The following NLRP14 variants were observed in gnomAD, a reference collection of about 807,000 sequenced individuals.
NLRP14 encodes the protein NLR family pyrin domain containing 14.
Under a neutral mutation model 94.7 loss-of-function variants are expected in NLRP14, and 105 were observed. The observed-to-expected ratio is 1.11, with a 90% CI of 0.95 to 1.30. The LOEUF (loss-of-function observed/expected upper bound fraction) is 1.30. NLRP14 is among the 50% of genes most tolerant of loss of function. The pLI, the probability that NLRP14 is intolerant of heterozygous loss-of-function variation, is 0.00. For missense variants in NLRP14, 1,362 were observed against 1,254.1 expected, an observed-to-expected ratio of 1.09 and a Z score of -1.30; for synonymous variants, 508 against 459.9, an observed-to-expected ratio of 1.10 and a Z score of -1.34.
At position 7,071,354 on chromosome 11, in the gene NLRP14, A is replaced by G; in HGVS notation, c.*46A>G. 6.6e-7 allele frequency: 1 copy of G among 1,503,816 alleles called. No individual in the cohort carries two copies. The highest frequency in any genetic ancestry group is 9.1e-7 in the Non-Finnish European group (1 of 1,093,410). 93.2% of individuals were successfully genotyped at this position (1,503,816 alleles called of 1,614,324 possible). A position where few individuals can be genotyped will look rare whatever the true frequency, so the allele number is the denominator to read the frequency against. Reference sequence around the variant, plus strand: ...TTTAAAAATATAAATATAAATACATACATACATAGATATATACCCAGACTT... The same window carrying G: ...TTTAAAAATATAAATATAAATACATGCATACATAGATATATACCCAGACTT... On this transcript the variant is annotated 3_prime_UTR_variant, in exon 12 of 12. Coordinates refer to ENST00000299481, the MANE Select transcript of NLRP14 (RefSeq NM_176822.4).
intron 3 of NLRP14, among the ~76,000 whole-genome samples, chr11:7,041,451 T>G (rs1852247859): frequency 6.6e-6 from 1 of 152,182 alleles, no homozygotes; most frequent in African/African-American, 2.4e-5. Context: ...AGGATCATAT[T>G]CTACATAATT....
Position 7,043,673 on chromosome 11 carries a change from C to T in NLRP14, c.1647C>T (p.Asn549=). The T allele has an allele frequency of 6.2e-7, 1 of 1,613,936 alleles. No homozygotes were observed. Among genetic ancestry groups the T allele is most frequent in the Non-Finnish European group, 8.5e-7 (1 of 1,179,876 alleles). The change falls in exon 4 of 12, where the codon AAC becomes AAT. Residue 549 remains asparagine (N), a synonymous_variant. Transcript: ENST00000299481. ...TAAAACAACTGGAGAGGACTTTTAA[C>T]TGTAAAATGTCACTGAAGATAAAAT... ...DRVKQLERTF[N]CKMSLKIKSK...
rs758235125 is a variant in NLRP14, at chr11:7,046,846, GA to G, written c.2123+15del. On this transcript the variant is annotated intron_variant, in intron 5 of 11. Coordinates refer to ENST00000299481, the MANE Select transcript of NLRP14 (RefSeq NM_176822.4). ...ACAAAAGCTACTGTAAGTCTGGTAT[GA>G]GAAAATTTAATGGAGTTATTCTAAT... The G allele has an allele frequency of 2.4e-5, 39 of 1,600,278 alleles. No individual in the cohort carries two copies. The highest frequency in any genetic ancestry group is 2.7e-5 in the Non-Finnish European group (32 of 1,167,748).
intron 4 of NLRP14, among the ~76,000 whole-genome samples, chr11:7,046,048 G>T (rs2119632632): frequency 6.6e-6 from 1 of 152,150 alleles, no homozygotes; most frequent in South Asian, 2.1e-4. Flanking sequence ...ATTTGTTCAT[G>T]AGTTTATTGA....
At chr11:7,045,143 T>G (rs180734176) in intron 4 of NLRP14, among the ~76,000 whole-genome samples, 1 of 152,316 alleles carries the variant, frequency 6.6e-6, no homozygotes, top group African/African-American at 2.4e-5. Flanking sequence ...GAGCATACAT[T>G]TCATTTATTT....
intron 10 of NLRP14, among the ~76,000 whole-genome samples, chr11:7,068,023 T>A (rs1438518287): frequency 6.6e-6 from 1 of 152,114 alleles, no homozygotes; most frequent in East Asian, 1.9e-4. Context: ...TAAGTATATA[T>A]TGTTGATTTT....
intron 7 of NLRP14, 68 bp from the exon 8 acceptor site, chr11:7,058,212 C>A: frequency 2.2e-6 from 3 of 1,352,696 alleles, no homozygotes; most frequent in South Asian, 1.2e-5. Flanking sequence ...ACTGATTTCC[C>A]TGTGAAGGAG....
chr11:7,065,878 G>C lies in NLRP14; in HGVS notation c.2975+3375G>C, dbSNP rs1310535267. 4.6e-5 allele frequency among the ~76,000 whole-genome samples: 7 copies of C among 151,806 alleles called. No individual in the cohort carries two copies. The East Asian group carries it at 1.4e-3, about 29-fold the overall frequency. ...TCTGCTAGCCCCCATCCCCCAACAGGCCCTGGTATGTGATGTTCCCCTCTG... is the reference window on the plus strand; with the variant it reads ...TCTGCTAGCCCCCATCCCCCAACAGCCCCTGGTATGTGATGTTCCCCTCTG... On this transcript the variant is annotated intron_variant, in intron 10 of 11. Transcript: ENST00000299481.
intron 10 of NLRP14, among the ~76,000 whole-genome samples, chr11:7,069,004 A>G (rs1002902988): frequency 1.3e-5 from 2 of 152,164 alleles, no homozygotes; most frequent in Non-Finnish European, 2.9e-5. Context: ...CTGTTTATCT[A>G]AATTTTAGTG....
intron 10 of NLRP14, among the ~76,000 whole-genome samples, chr11:7,068,309 A>G (rs1370662261): frequency 2.0e-5 from 3 of 152,144 alleles, no homozygotes; most frequent in Non-Finnish European, 4.4e-5. Context: ...ATGCTTAGAC[A>G]TACATATTCC....
intron 1 of NLRP14, among the ~76,000 whole-genome samples, chr11:7,038,276 T>G (rs1852189687): frequency 6.6e-6 from 1 of 152,142 alleles, no homozygotes; most frequent in South Asian, 2.1e-4. Flanking sequence ...AAGAGTAAGT[T>G]GAGGTTCAAA....
intron 4 of NLRP14, among the ~76,000 whole-genome samples, chr11:7,045,873 ATAC>A (rs945842952): frequency 1.3e-5 from 2 of 152,074 alleles, no homozygotes; most frequent in Admixed American, 6.6e-5. Flanking sequence ...TAAAAAATAG[ATAC>A]TATTATCTTC....
chr11:7,057,338 C>T (rs1351548311), intron 6 of NLRP14, among the ~76,000 whole-genome samples: 2 of 152,026 alleles, frequency 1.3e-5, no homozygotes, highest in Non-Finnish European at 2.9e-5. Flanking sequence ...GTGTAGAATA[C>T]AGTCATCCTT....
chr11:7,061,427 A>G (rs1852618893), intron 9 of NLRP14, among the ~76,000 whole-genome samples: 1 of 152,022 alleles, frequency 6.6e-6, no homozygotes, highest in East Asian at 1.9e-4. Flanking sequence ...TGTCCTTAGC[A>G]TTGCTGTAAA....
At chr11:7,058,190 G>A (rs1852547992) in intron 7 of NLRP14, 90 bp from the exon 8 acceptor site, 2 of 1,059,596 alleles carry the variant, frequency 1.9e-6, no homozygotes, top group South Asian at 1.3e-5. Flanking sequence ...AGGTATGGGG[G>A]TTATAAGTGC....
chr11:7,084,351 G>A, the NLRP14 span, among the ~76,000 whole-genome samples: 2 of 152,140 alleles, frequency 1.3e-5, no homozygotes, highest in Non-Finnish European at 1.5e-5. Context: ...TGGGAGATAG[G>A]AGTACGCTTT....
In NLRP14 at chr11:7,043,907, T is replaced by A; in HGVS notation, c.1881T>A (p.Cys627Ter). 1 of 1,614,142 alleles carries A rather than the reference T, an allele frequency of 6.2e-7. No individual in the cohort carries two copies. Among genetic ancestry groups the A allele is most frequent in the Non-Finnish European group, 8.5e-7 (1 of 1,179,992 alleles). ...CTTTCTGCCTTAAGCACTGCCGGTG[T>A]TTGCGGACCATCAGGCTGTCTGTAA... Reference protein sequence around the residue: ...VSSFCLKHCRCLRTIRLSVTV... With the variant: ...VSSFCLKHCR Residue 627 changes from cysteine (C) to a stop codon, truncating the protein, a stop_gained, in exon 4 of 12, where the codon TGT becomes TGA. Coordinates refer to ENST00000299481, the MANE Select transcript of NLRP14 (RefSeq NM_176822.4). LOFTEE classifies it high-confidence loss of function.
intron 1 of NLRP14, among the ~76,000 whole-genome samples, chr11:7,022,178 A>G (rs1202448586): frequency 6.6e-6 from 1 of 152,138 alleles, no homozygotes; most frequent in Non-Finnish European, 1.5e-5. Flanking sequence ...GAGCATCTGC[A>G]TTTTTTATGA....
chr11:7,027,355 G>A (rs1039879360), intron 1 of NLRP14, among the ~76,000 whole-genome samples: 1 of 152,028 alleles, frequency 6.6e-6, no homozygotes, highest in African/African-American at 2.4e-5. Context: ...AGCAGATTCA[G>A]TTTAGTGAGG....
Sources: gnomAD v4.1 joint callset for allele counts (sites outside exome capture counted in the v4.1 genomes callset) on GRCh38, gnomAD v4.1.1 for gene constraint, MANE v1.5 for transcripts, NCBI Gene and HGNC (gene_info 2026-07-23, HGNC 2026-07-21) for gene names.